Variants in HS6ST2 observed in about 807,000 individuals in gnomAD.
HS6ST2 encodes the protein heparan-sulfate 6-O-sulfotransferase 2.
HS6ST2 carries 17 observed loss-of-function variants against 33.0 expected under a neutral mutation model. That is an observed-to-expected ratio of 0.52 (90% CI 0.35 to 0.77). HS6ST2 has a LOEUF of 0.77. HS6ST2 is among the 30% of genes least tolerant of loss of function. The probability of loss-of-function intolerance (pLI) is 0.01; values close to 1 mark genes in which losing one functional copy is unlikely to be tolerated. For synonymous variants in HS6ST2, 248 were observed against 237.1 expected (o/e 1.05, Z -0.42); for missense variants, 519 against 551.7 (o/e 0.94, Z 0.59).
At chrX:132,668,357 G>A (rs948337730) in intron 4 of HS6ST2, 4 of 110,641 alleles carry the variant, frequency 3.6e-5, no homozygotes, top group Non-Finnish European at 5.7e-5. Flanking sequence ...CGGAGAACTC[G>A]AGCCATTCAC....
At chrX:132,719,374 G>A (rs1182430379) in intron 2 of HS6ST2, among the ~76,000 whole-genome samples, 1 of 112,065 alleles carries the variant, frequency 8.9e-6, no homozygotes, top group African/African-American at 3.2e-5. Flanking sequence ...TAAAATGAAC[G>A]CAGCAATCTA....
chrX:132,919,665 T>C (rs777609537), intron 2 of HS6ST2, among the ~76,000 whole-genome samples: 1 of 111,901 alleles, frequency 8.9e-6, no homozygotes, highest in Non-Finnish European at 1.9e-5. Context: ...ATGCACTTCA[T>C]TTTGTCCCTC....
At chrX:132,858,587 G>A (rs1290376849) in intron 2 of HS6ST2, among the ~76,000 whole-genome samples, 1 of 111,725 alleles carries the variant, frequency 9.0e-6, no homozygotes, top group Non-Finnish European at 1.9e-5. Flanking sequence ...CCATCTCGGG[G>A]AAGTTGAGAG....
intron 2 of HS6ST2, among the ~76,000 whole-genome samples, chrX:132,899,103 G>T (rs769851187): frequency 4.5e-5 from 5 of 111,445 alleles, no homozygotes; most frequent in Non-Finnish European, 7.5e-5. Flanking sequence ...ACTACCCTAA[G>T]AAAGCATAAA....
intron 4 of HS6ST2, among the ~76,000 whole-genome samples, chrX:132,635,654 T>C (rs2063547639): frequency 1.8e-5 from 2 of 110,821 alleles, no homozygotes; most frequent in South Asian, 7.7e-4. Context: ...ATTTTGGTTG[T>C]AATGACTTGG....
intron 2 of HS6ST2, among the ~76,000 whole-genome samples, chrX:132,935,009 TAAAG>T (rs1440639451): frequency 9.0e-6 from 1 of 111,300 alleles, no homozygotes; most frequent in Non-Finnish European, 1.9e-5. Flanking sequence ...ACAAAATTAC[TAAAG>T]AAAGAAGTTT....
intron 4 of HS6ST2, among the ~76,000 whole-genome samples, chrX:132,657,973 C>T (rs1436822259): frequency 9.2e-6 from 1 of 108,876 alleles, no homozygotes; most frequent in Admixed American, 9.8e-5. Flanking sequence ...CTCATTAAAG[C>T]CCGTGGAGCA....
intron 2 of HS6ST2, among the ~76,000 whole-genome samples, chrX:132,913,706 T>G (rs141723681): frequency 8.9e-6 from 1 of 112,281 alleles, no homozygotes; most frequent in South Asian, 3.7e-4. Context: ...AAAGTTACAC[T>G]GAAAAATCCT....
intron 2 of HS6ST2, among the ~76,000 whole-genome samples, chrX:132,792,225 G>A (rs1378214302): frequency 8.9e-6 from 1 of 112,180 alleles, no homozygotes; most frequent in Non-Finnish European, 1.9e-5. Context: ...GTGGTTAAGT[G>A]TAGACACAGC....
intron 2 of HS6ST2, among the ~76,000 whole-genome samples, chrX:132,895,167 A>T (rs1312852269): frequency 9.0e-6 from 1 of 111,683 alleles, no homozygotes; most frequent in Non-Finnish European, 1.9e-5. Flanking sequence ...CTGTCACTTA[A>T]ATTTAACACA....
intron 2 of HS6ST2, among the ~76,000 whole-genome samples, chrX:132,768,035 C>T (rs1225313697): frequency 2.7e-5 from 3 of 110,789 alleles, no homozygotes; most frequent in Non-Finnish European, 5.7e-5. Flanking sequence ...TGCTAATGAC[C>T]CAAGGTATCT....
chrX:132,776,965 G>T (rs1209843155), intron 2 of HS6ST2, among the ~76,000 whole-genome samples: 1 of 109,126 alleles, frequency 9.2e-6, no homozygotes, highest in African/African-American at 3.3e-5. Context: ...ATACTAATTT[G>T]CATGACAGAT....
intron 2 of HS6ST2, among the ~76,000 whole-genome samples, chrX:132,794,673 C>T (rs1469351698): frequency 1.8e-5 from 2 of 110,737 alleles, no homozygotes; most frequent in African/African-American, 6.6e-5. Context: ...AATCCACCCA[C>T]CTCGGCCTCC....
chrX:132,816,090 G>T lies in HS6ST2; in HGVS notation c.948-107596C>A, dbSNP rs765499840. On this transcript the variant is annotated intron_variant, in intron 2 of 4. Transcript: ENST00000370833. ...ACAAATGTTTTTTGAGTTATGAACAGTTGTACTACAGGGCTTTTAATCTTA... is the reference window on the plus strand; with the variant it reads ...ACAAATGTTTTTTGAGTTATGAACATTTGTACTACAGGGCTTTTAATCTTA... 1.1e-4 allele frequency among the ~76,000 whole-genome samples: 12 copies of T among 111,964 alleles called. No homozygotes were observed. The East Asian group carries it at 1.7e-3, about 16-fold the overall frequency.
chrX:132,935,709 T>A (rs1263583996), intron 2 of HS6ST2, among the ~76,000 whole-genome samples: 1 of 110,267 alleles, frequency 9.1e-6, no homozygotes, highest in African/African-American at 3.3e-5. Context: ...AAATTAAACA[T>A]CACACTGCAA....
intron 2 of HS6ST2, among the ~76,000 whole-genome samples, chrX:132,830,489 C>T (rs1013902642): frequency 4.5e-5 from 5 of 111,604 alleles, no homozygotes; most frequent in African/African-American, 1.6e-4. Flanking sequence ...AATTCCAGGG[C>T]AAGCAAATTG....
At chrX:132,875,002 A>T (rs2066097335) in intron 2 of HS6ST2, among the ~76,000 whole-genome samples, 1 of 111,765 alleles carries the variant, frequency 8.9e-6, no homozygotes, top group South Asian at 3.8e-4. Context: ...TATGAAGTCC[A>T]AGTAGAGCAG....
intron 2 of HS6ST2, among the ~76,000 whole-genome samples, chrX:132,812,221 A>G (rs1044747251): frequency 9.2e-6 from 1 of 108,845 alleles, no homozygotes; most frequent in Non-Finnish European, 1.9e-5. Context: ...CCTGGCCAAC[A>G]TGGTGAAACC....
At chrX:132,694,375 A>T (rs1393165353) in intron 3 of HS6ST2, among the ~76,000 whole-genome samples, 2 of 111,855 alleles carry the variant, frequency 1.8e-5, no homozygotes, top group Non-Finnish European at 3.8e-5. Flanking sequence ...TATCTAGGGG[A>T]AGAGCATTCC....
Sources: gnomAD v4.1 joint callset for allele counts (sites outside exome capture counted in the v4.1 genomes callset) on GRCh38, gnomAD v4.1.1 for gene constraint, MANE v1.5 for transcripts, NCBI Gene and HGNC (gene_info 2026-07-23, HGNC 2026-07-21) for gene names.